Variants in SYT9 observed in about 807,000 individuals in gnomAD.
The protein encoded by SYT9 is synaptotagmin-9.
Under a neutral mutation model 48.4 loss-of-function variants are expected in SYT9, and 22 were observed. That is an observed-to-expected ratio of 0.45 (90% CI 0.32 to 0.65). The LOEUF is 0.65. SYT9 is among the 30% of genes least tolerant of loss of function. The pLI, the probability that SYT9 is intolerant of heterozygous loss-of-function variation, is 0.03. For missense variants in SYT9, 577 were observed against 622.0 expected (o/e 0.93, Z 0.77); for synonymous variants, 265 against 245.0 (o/e 1.08, Z -0.76).
At chr11:7,457,109 G>A (rs999170831) in intron 6 of SYT9, 2 of 152,136 alleles carry the variant, frequency 1.3e-5, no homozygotes, top group Admixed American at 6.6e-5. Flanking sequence ...TTATGTTGGG[G>A]CCACACCTAA....
chr11:7,247,819 C>T (rs146958992), upstream of SYT9, among the ~76,000 whole-genome samples: 4 of 151,658 alleles, frequency 2.6e-5, no homozygotes, highest in Non-Finnish European at 4.4e-5. Flanking sequence ...GTATAATGAC[C>T]TCTTTTGCTC....
chr11:7,408,632 A>G (rs1008063170), intron 3 of SYT9, among the ~76,000 whole-genome samples: 1 of 152,140 alleles, frequency 6.6e-6, no homozygotes, highest in Admixed American at 6.5e-5. Context: ...TTTCTTGGCT[A>G]GTTCATTATC....
chr11:7,305,697 A>G (rs1224570520), intron 2 of SYT9, among the ~76,000 whole-genome samples: 1 of 151,974 alleles, frequency 6.6e-6, no homozygotes, highest in African/African-American at 2.4e-5. Flanking sequence ...CTTTCTCATT[A>G]TGTTCTTTAC....
intron 1 of SYT9, among the ~76,000 whole-genome samples, chr11:7,298,755 G>A (rs10839762): frequency 0.25 from 38,530 of 151,908 alleles, 5,841 homozygotes; most frequent in South Asian, 0.39. Flanking sequence ...TATCTGGTGT[G>A]CTAGGGATGT....
intron 3 of SYT9, among the ~76,000 whole-genome samples, chr11:7,401,723 A>G (rs1013603199): frequency 3.3e-5 from 5 of 151,936 alleles, no homozygotes; most frequent in East Asian, 3.9e-4. Context: ...GTATCTATAC[A>G]GATTTACAGA....
intron 3 of SYT9, among the ~76,000 whole-genome samples, chr11:7,330,896 C>A (rs1362210106): frequency 6.6e-6 from 1 of 152,030 alleles, no homozygotes; most frequent in Non-Finnish European, 1.5e-5. Flanking sequence ...AGGGTTTCAC[C>A]ATGTTGGCCA....
chr11:7,330,986 A>G (rs1849517141), intron 3 of SYT9, among the ~76,000 whole-genome samples: 1 of 151,796 alleles, frequency 6.6e-6, no homozygotes, highest in Admixed American at 6.6e-5. Context: ...TTTAGTAGAG[A>G]TGGGGTTTCA....
chr11:7,313,618 A>G lies in SYT9; in HGVS notation c.721A>G (p.Ile241Val). ...DCDLEQLIVK[I>V]HKAVNLPAKD... The stretch of plus-strand genomic sequence containing the variant: ...TGACTTAGAGCAGCTCATAGTGAAG[A>G]TTCACAAAGCTGTCAATTTGCCCGC... Residue 241 changes from isoleucine to valine, a missense_variant, in exon 3 of 7, where the codon ATT (isoleucine) becomes GTT (valine). Ile to Val is a conservative substitution (Grantham distance 29). Coordinates refer to ENST00000318881, the MANE Select transcript of SYT9 (RefSeq NM_175733.4). The G allele has an allele frequency of 6.2e-7, 1 of 1,614,164 alleles. No homozygotes were observed. The highest frequency in any genetic ancestry group is 8.5e-7 in the Non-Finnish European group (1 of 1,180,028).
rs376093747 is a variant in SYT9 at position 7,426,947 on chromosome 11, A to G, written c.1467+6312A>G. 2.6e-5 allele frequency among the ~76,000 whole-genome samples: 4 copies of G among 152,328 alleles called. 1 individual carries two copies. Among genetic ancestry groups the G allele is most frequent in the Non-Finnish European group, 1.5e-5 (1 of 68,030 alleles). On this transcript the variant is annotated intron_variant, in intron 6 of 6. Transcript: ENST00000318881. ...ACATGAAATAAGATACTTATTTCAT[A>G]GGAGACTAGCTGATCATTTACCTTG...
intron 6 of SYT9, among the ~76,000 whole-genome samples, chr11:7,430,926 T>C (rs995857780): frequency 2.6e-5 from 4 of 152,212 alleles, no homozygotes; most frequent in African/African-American, 9.7e-5. Context: ...TATTTCTTTA[T>C]AGCAATGCAA....
chr11:7,322,234 C>A (rs778164262), intron 3 of SYT9, among the ~76,000 whole-genome samples: 2 of 152,166 alleles, frequency 1.3e-5, no homozygotes, highest in South Asian at 2.1e-4. Context: ...ACAATTGACT[C>A]CCCAGGCTGC....
chr11:7,426,521 G>A (rs893302053), intron 6 of SYT9, among the ~76,000 whole-genome samples: 1 of 152,140 alleles, frequency 6.6e-6, no homozygotes, highest in Non-Finnish European at 1.5e-5. Context: ...GGCACACAAG[G>A]GAGCCACAGG....
chr11:7,380,454 A>G (rs1171602676), intron 3 of SYT9, among the ~76,000 whole-genome samples: 1 of 152,154 alleles, frequency 6.6e-6, no homozygotes, highest in Non-Finnish European at 1.5e-5. Flanking sequence ...GACTCAAAGG[A>G]TAAGGGGATG....
chr11:7,447,749 G>T lies in SYT9; in HGVS notation c.1468-19043G>T, dbSNP rs115216894. On this transcript the variant is annotated intron_variant, in intron 6 of 6. Coordinates refer to ENST00000318881, the MANE Select transcript of SYT9 (RefSeq NM_175733.4). ...CCATAATGCTATTTTGTAATTTTGT[G>T]TTGGTTTTCCTGAATCAACTATGAG... Among the ~76,000 whole-genome samples the T allele has an allele frequency of 3.8e-3, 585 of 152,202 alleles. 6 individuals are homozygous for T. The highest frequency in any genetic ancestry group is 0.014 in the African/African-American group (569 of 41,524).
chr11:7,294,104 T>C (rs982786), intron 1 of SYT9, among the ~76,000 whole-genome samples: 79,781 of 151,910 alleles, frequency 0.53, 21,058 homozygotes, highest in African/African-American at 0.57. Flanking sequence ...GTGGAAGGAG[T>C]GAGGGAACTC....
intron 3 of SYT9, among the ~76,000 whole-genome samples, chr11:7,406,893 G>A (rs796239393): frequency 2.5e-4 from 38 of 152,042 alleles, no homozygotes; most frequent in African/African-American, 9.2e-4. Context: ...ATTCTAACTG[G>A]GATAAGATGA....
intron 5 of SYT9, 66 bp from the exon 6 acceptor site, chr11:7,420,440 A>G (rs1847330524): frequency 1.3e-6 from 2 of 1,582,594 alleles, no homozygotes; most frequent in Non-Finnish European, 1.7e-6. Context: ...CATCAGTTTA[A>G]TTGAGTAGCT....
chr11:7,458,503 T>TTA (rs1199677766), intron 6 of SYT9, among the ~76,000 whole-genome samples: 2 of 147,468 alleles, frequency 1.4e-5, no homozygotes, highest in African/African-American at 5.2e-5. Context: ...TTAATTAATT[T>TTA]AATTTAATAG....
chr11:7,305,127 A>G (rs1849009000), intron 2 of SYT9, among the ~76,000 whole-genome samples: 1 of 152,152 alleles, frequency 6.6e-6, no homozygotes, highest in African/African-American at 2.4e-5. Context: ...TGTTATCACT[A>G]CTGATTTGTA....
Sources: allele counts gnomAD v4.1 joint callset (sites outside exome capture counted in the v4.1 genomes callset), GRCh38; gene constraint gnomAD v4.1.1; transcripts MANE v1.5; gene names NCBI Gene and HGNC (gene_info 2026-07-23, HGNC 2026-07-21).